The following MAP4K3 variants were observed in gnomAD, a reference collection of about 807,000 sequenced individuals.
The protein encoded by MAP4K3 is MAPK/ERK kinase kinase kinase 3.
MAP4K3 carries 94 observed loss-of-function variants against 143.5 expected under a neutral mutation model. The observed-to-expected ratio is 0.65, with a 90% CI of 0.55 to 0.78. MAP4K3 has a LOEUF of 0.78. MAP4K3 is among the 30% of genes least tolerant of loss of function. The probability of loss-of-function intolerance (pLI) is 0.00; values close to 1 mark genes in which losing one functional copy is unlikely to be tolerated. For synonymous variants in MAP4K3, 416 were observed against 347.2 expected (o/e 1.20, Z -2.20); for missense variants, 1,077 against 1,068.1 (o/e 1.01, Z -0.12).
chr2:39,264,235 T>C (rs1296475115), intron 28 of MAP4K3, among the ~76,000 whole-genome samples: 1 of 152,240 alleles, frequency 6.6e-6, no homozygotes, highest in East Asian at 1.9e-4. Flanking sequence ...ATAAATGGGC[T>C]GTATTCAGTA....
At chr2:39,383,217 A>T (rs1573223139) in intron 1 of MAP4K3, among the ~76,000 whole-genome samples, 1 of 152,100 alleles carries the variant, frequency 6.6e-6, no homozygotes, top group East Asian at 1.9e-4. Flanking sequence ...GGTTTAATTG[A>T]CTCACAATTC....
intron 1 of MAP4K3, among the ~76,000 whole-genome samples, chr2:39,426,311 G>A (rs930294553): frequency 2.0e-5 from 3 of 152,148 alleles, no homozygotes; most frequent in African/African-American, 7.2e-5. Context: ...AGAGACTGAA[G>A]AGTCTTAGAA....
chr2:39,292,973 AG>A, intron 17 of MAP4K3, 147 bp from the exon 18 acceptor site: 1 of 737,694 alleles, frequency 1.4e-6, no homozygotes, highest in East Asian at 2.7e-5. Context: ...AATTAAAACA[AG>A]GAACTGGGAG....
rs761744108 is a variant in MAP4K3, at chr2:39,282,479, T to A, written c.1629+34A>T. The A allele has an allele frequency of 1.9e-5, 30 of 1,578,996 alleles. No homozygotes were observed. The South Asian group carries it at 3.1e-4, about 16-fold the overall frequency. The stretch of plus-strand genomic sequence containing the variant: ...AGATAACACACACAAGTGACTTAGC[T>A]TGAAACTTAGCCTACTCCATATTTA... On this transcript the variant is annotated intron_variant, in intron 22 of 33. Coordinates refer to ENST00000263881, the MANE Select transcript of MAP4K3 (RefSeq NM_003618.4).
chr2:39,309,018 A>T (rs1163920782), intron 14 of MAP4K3, among the ~76,000 whole-genome samples: 1 of 152,206 alleles, frequency 6.6e-6, no homozygotes, highest in Admixed American at 6.5e-5. Context: ...TGGTAAAACA[A>T]TTAAGTTTCT....
intron 1 of MAP4K3, among the ~76,000 whole-genome samples, chr2:39,415,630 T>C (rs1441428493): frequency 6.6e-6 from 1 of 152,034 alleles, no homozygotes; most frequent in Non-Finnish European, 1.5e-5. Flanking sequence ...ATAGTCACTT[T>C]TGGTGTTCAT....
At chr2:39,399,280 G>A (rs1242202617) in intron 1 of MAP4K3, among the ~76,000 whole-genome samples, 1 of 152,302 alleles carries the variant, frequency 6.6e-6, no homozygotes, top group East Asian at 1.9e-4. Context: ...ACTTGTGACA[G>A]GCAGTGAATA....
intron 15 of MAP4K3, among the ~76,000 whole-genome samples, chr2:39,304,783 T>C (rs1362842496): frequency 1.3e-5 from 2 of 152,196 alleles, no homozygotes; most frequent in African/African-American, 2.4e-5. Context: ...TTATTCACAA[T>C]AGCCAAAAGG....
At chr2:39,310,626 T>G (rs890600777) in intron 13 of MAP4K3, among the ~76,000 whole-genome samples, 1 of 152,206 alleles carries the variant, frequency 6.6e-6, no homozygotes, top group Non-Finnish European at 1.5e-5. Context: ...CTGAATCATA[T>G]GGTAGTTCTA....
At chr2:39,368,822 T>A (rs1414633116) in intron 2 of MAP4K3, among the ~76,000 whole-genome samples, 1 of 152,054 alleles carries the variant, frequency 6.6e-6, no homozygotes, top group African/African-American at 2.4e-5. Context: ...GTTCTTGAGG[T>A]TACATAGGCA....
At chr2:39,262,975 C>T (rs1310780558) in intron 28 of MAP4K3, among the ~76,000 whole-genome samples, 1 of 151,828 alleles carries the variant, frequency 6.6e-6, no homozygotes, top group Non-Finnish European at 1.5e-5. Context: ...TGTCTGTAAT[C>T]CCAGCTACTC....
chr2:39,383,993 C>A (rs1270840677), intron 1 of MAP4K3, among the ~76,000 whole-genome samples: 1 of 151,726 alleles, frequency 6.6e-6, no homozygotes, highest in East Asian at 1.9e-4. Flanking sequence ...TGCCTATAGT[C>A]CCAGTTACCC....
chr2:39,353,140 A>C (rs1009838202), intron 3 of MAP4K3, among the ~76,000 whole-genome samples: 1 of 152,202 alleles, frequency 6.6e-6, no homozygotes, highest in African/African-American at 2.4e-5. Flanking sequence ...CACTAATGAG[A>C]CGTTGGATAG....
intron 16 of MAP4K3, among the ~76,000 whole-genome samples, chr2:39,295,004 C>G (rs903782385): frequency 2.0e-5 from 3 of 151,052 alleles, no homozygotes; most frequent in Non-Finnish European, 4.4e-5. Flanking sequence ...GAGAATTTAG[C>G]TGTCTTCTAT....
Position 39,250,596 on chromosome 2 carries a change from A to G in MAP4K3, c.*22T>C. ...GGTAGTGTTCTTTCTTTCTAGAGTT[A>G]ACTGTCAAAGCACAACAATTCTCAG... On this transcript the variant is annotated 3_prime_UTR_variant, in exon 34 of 34. Coordinates refer to ENST00000263881, the MANE Select transcript of MAP4K3 (RefSeq NM_003618.4). 6.2e-7 allele frequency: 1 copy of G among 1,604,560 alleles called. No homozygotes were observed. The highest frequency in any genetic ancestry group is 8.5e-7 in the Non-Finnish European group (1 of 1,171,868).
At chr2:39,390,447 G>C (rs566735492) in intron 1 of MAP4K3, among the ~76,000 whole-genome samples, 3 of 152,182 alleles carry the variant, frequency 2.0e-5, no homozygotes, top group African/African-American at 4.8e-5. Flanking sequence ...GCAGATCTGA[G>C]GTGAGCCCCA....
chr2:39,271,755 C>T (rs1445641113), intron 26 of MAP4K3, among the ~76,000 whole-genome samples: 3 of 151,982 alleles, frequency 2.0e-5, no homozygotes, highest in Non-Finnish European at 4.4e-5. Context: ...CCATGCCTGG[C>T]TACTTTTTAA....
At chr2:39,425,562 T>C (rs894539648) in intron 1 of MAP4K3, among the ~76,000 whole-genome samples, 7 of 152,106 alleles carry the variant, frequency 4.6e-5, no homozygotes, top group African/African-American at 1.4e-4. Context: ...CCAGAAAGTA[T>C]GCCCTCTCTC....
chr2:39,394,728 G>C (rs999408047), intron 1 of MAP4K3, among the ~76,000 whole-genome samples: 1 of 152,098 alleles, frequency 6.6e-6, no homozygotes, highest in South Asian at 2.1e-4. Context: ...AAACGAAGAG[G>C]GCAACTTCAG....
Sources: gnomAD v4.1 joint callset for allele counts (sites outside exome capture counted in the v4.1 genomes callset) on GRCh38, gnomAD v4.1.1 for gene constraint, MANE v1.5 for transcripts, NCBI Gene and HGNC (gene_info 2026-07-23, HGNC 2026-07-21) for gene names.